The following PKN3 variants were observed in gnomAD, a reference collection of about 807,000 sequenced individuals.
PKN3 encodes protein kinase N3, also known as serine/threonine-protein kinase N3.
A neutral mutation model predicts 113.1 loss-of-function variants in PKN3; 91 were observed. The observed-to-expected ratio is 0.80, with a 90% CI of 0.68 to 0.96. The LOEUF is 0.96. Ranked by LOEUF, PKN3 falls within the 40% of genes least tolerant of loss-of-function variation. The pLI, the probability that PKN3 is intolerant of heterozygous loss-of-function variation, is 0.00. For missense variants in PKN3, 1,052 were observed against 1,202.2 expected, an observed-to-expected ratio of 0.88 and a Z score of 1.85; for synonymous variants, 467 against 499.0, an observed-to-expected ratio of 0.94 and a Z score of 0.85.
Position 128,714,331 on chromosome 9 carries a change from A to G in PKN3, c.1447A>G (p.Thr483Ala), listed in dbSNP as rs747228163. The G allele has an allele frequency of 3.1e-6, 5 of 1,607,968 alleles. No homozygotes were observed. Among genetic ancestry groups the G allele is most frequent in the East Asian group, 4.5e-5 (2 of 44,784 alleles). ...TAAAGGATGCCCTCGGACCCCAACA[A>G]CACTGCGAGAGGCCTCTGACCCTGC... The part of the protein sequence containing the change: ...PPKGCPRTPT[T>A]LREASDPATP... Residue 483 changes from threonine (T) to alanine (A), a missense_variant, in exon 11 of 22, where the codon ACA becomes GCA. Transcript: ENST00000291906.
In PKN3 at chr9:128,719,718, T is replaced by C; in HGVS notation, c.2158T>C (p.Cys720Arg). Residue 720 changes from cysteine (C) to arginine (R), a missense_variant, in exon 19 of 22, where the codon TGT becomes CGT. Cys to Arg is a radical substitution (Grantham distance 180). Coordinates refer to ENST00000291906, the MANE Select transcript of PKN3 (RefSeq NM_013355.5). ...CTTCGGGGACCGGACTAGCACCTTC[T>C]GTGGCACCCCGGAGTTCCTGGCTCC... ...IGFGDRTSTFCGTPEFLAPEV... is the reference protein window; with the variant it reads ...IGFGDRTSTFRGTPEFLAPEV... 1 of 1,584,520 alleles carries C rather than the reference T, an allele frequency of 6.3e-7. No homozygotes were observed. Among genetic ancestry groups the C allele is most frequent in the Non-Finnish European group, 8.6e-7 (1 of 1,164,634 alleles).
chr9:128,713,451 C>T (rs755244197), intron 8 of PKN3, 48 bp from the exon 9 acceptor site: 100 of 1,612,556 alleles, frequency 6.2e-5, no homozygotes, highest in Admixed American at 3.8e-4. Flanking sequence ...CTGCCCAGGT[C>T]GGGGCTCGTT....
chr9:128,702,853 G>C lies in PKN3; in HGVS notation c.-63G>C. On this transcript the variant is annotated 5_prime_UTR_variant, in exon 1 of 22. Transcript: ENST00000291906. ...TTTCAAGTTTGAAAGTCCTGGCGGA[G>C]GGTCTGCGGCTTCCGGGACCGGAGT... 1 of 1,218,078 alleles carries C rather than the reference G, an allele frequency of 8.2e-7. No homozygotes were observed. Among genetic ancestry groups the C allele is most frequent in the Non-Finnish European group, 1.1e-6 (1 of 871,592 alleles). 75.5% of individuals were successfully genotyped at this position (1,218,078 alleles called of 1,614,324 possible). A position where few individuals can be genotyped will look rare whatever the true frequency, so the allele number is the denominator to read the frequency against.
At chr9:128,703,459 G>A (rs1861915485) in intron 1 of PKN3, 1 of 985,386 alleles carries the variant, frequency 1.0e-6, no homozygotes, top group Non-Finnish European at 1.2e-6. Flanking sequence ...CCCCAGGGCG[G>A]GAACCTTTGG....
intron 2 of PKN3, 89 bp downstream of exon 2, chr9:128,705,632 C>T (rs1467296743): frequency 1.9e-6 from 3 of 1,541,184 alleles, no homozygotes; most frequent in East Asian, 2.4e-5. Flanking sequence ...GGCGAGACCA[C>T]CTCATTTCCT....
chr9:128,705,543 G>T lies in PKN3; in HGVS notation c.265G>T (p.Glu89Ter), dbSNP rs1472613975. 1 of 1,554,848 alleles carries T rather than the reference G, an allele frequency of 6.4e-7. No homozygotes were observed. Among genetic ancestry groups the T allele is most frequent in the South Asian group, 1.2e-5 (1 of 84,380 alleles). ...GCCCGGCCCTGGGCCTGGCCCAGCT[G>T]GTGAGTGAGGAGCTGAGACCCCCTC... is the stretch of plus-strand genomic sequence containing the variant. ...LLPGPGPGPA[E>*]PVASGPRPWA... Residue 89 changes from glutamate (E) to a stop codon, truncating the protein, a stop_gained and splice_region_variant, in exon 2 of 22, where the codon GAG becomes TAG. Transcript: ENST00000291906. LOFTEE classifies it high-confidence loss of function.
In PKN3 at chr9:128,720,140, C is replaced by T. The variant is rs1447207902; in HGVS notation, c.2377-63C>T. Reference sequence around the variant, plus strand: ...GCGCTCTGGGCCAGCGTGCTTGGGGCCTGTGGATGATGGCAGTGCCTGGGG... The same window carrying T: ...GCGCTCTGGGCCAGCGTGCTTGGGGTCTGTGGATGATGGCAGTGCCTGGGG... On this transcript the variant is annotated intron_variant, in intron 20 of 21. Coordinates refer to ENST00000291906, the MANE Select transcript of PKN3 (RefSeq NM_013355.5). This position sits in a 1 kb window ranked among gnomAD's most constrained non-coding sequence, Gnocchi z 5.5. 19 of 1,561,296 alleles carry T rather than the reference C, an allele frequency of 1.2e-5. No homozygotes were observed. The highest frequency in any genetic ancestry group is 3.3e-4 in the Middle Eastern group (2 of 6,002).
intron 16 of PKN3, 54 bp from the exon 17 acceptor site, chr9:128,718,271 C>G: frequency 6.8e-7 from 1 of 1,470,550 alleles, no homozygotes; most frequent in South Asian, 1.1e-5. Flanking sequence ...CCTCCCTGCC[C>G]TGCCTCCCTG....
intron 18 of PKN3, among the ~76,000 whole-genome samples, chr9:128,719,479 G>A (rs570171359): frequency 8.5e-5 from 13 of 152,082 alleles, no homozygotes; most frequent in Non-Finnish European, 1.2e-4. Flanking sequence ...GTGAGCCACC[G>A]CACCCAGCCG....
intron 19 of PKN3, 32 bp from the exon 20 acceptor site, chr9:128,719,878 C>T (rs761056323): frequency 1.9e-6 from 3 of 1,609,194 alleles, no homozygotes; most frequent in South Asian, 2.2e-5. Flanking sequence ...GTGGGGTGGC[C>T]CGTGCATCCT....
intron 16 of PKN3, 105 bp downstream of exon 16, chr9:128,717,028 A>T: frequency 1.2e-6 from 1 of 834,782 alleles, no homozygotes. Flanking sequence ...GCAGGGGAGC[A>T]GGAGTCAGAG....
rs1165642097 is a variant in PKN3, at chr9:128,707,269, C to A, written c.699C>A (p.Arg233=). Residue 233 remains arginine, a synonymous_variant, in exon 6 of 22, where the codon CGC becomes CGA. Coordinates refer to ENST00000291906, the MANE Select transcript of PKN3 (RefSeq NM_013355.5). ...CCTCTCAGAAACTGGACCTCCTGCG[C>A]CTGGCCTTGGAGCAGCTGCTGGAGC... ...QESSQKLDLL[R]LALEQLLEQL... The A allele has an allele frequency of 1.9e-6, 3 of 1,612,846 alleles. No individual in the cohort carries two copies. Among genetic ancestry groups the A allele is most frequent in the Non-Finnish European group, 2.5e-6 (3 of 1,179,218 alleles).
rs1041597564 is a variant in PKN3 at position 128,705,777 on chromosome 9, G to A, written c.309G>A (p.Arg103=). 12 of 1,608,628 alleles carry A rather than the reference G, an allele frequency of 7.5e-6. No homozygotes were observed. The highest frequency in any genetic ancestry group is 1.0e-5 in the Non-Finnish European group (12 of 1,177,774). ...CCCGGCCGTGGGCAGAGCAGCTCAG[G>A]GCTCGGCACCTAGAGGCTCTCCGGA... ...SGPRPWAEQL[R]ARHLEALRRQ... Residue 103 remains arginine, a synonymous_variant, in exon 3 of 22, where the codon AGG becomes AGA. Transcript: ENST00000291906.
intron 6 of PKN3, among the ~76,000 whole-genome samples, chr9:128,708,139 G>A (rs183489487): frequency 1.3e-4 from 19 of 149,916 alleles, no homozygotes; most frequent in African/African-American, 4.2e-4. Flanking sequence ...CCAGCACTTT[G>A]GAAGACTGAG....
In PKN3 at chr9:128,713,304, G is replaced by C. The variant is rs72758841; in HGVS notation, c.1009G>C (p.Asp337His). Residue 337 changes from aspartate (D) to histidine (H), a missense_variant, in exon 8 of 22, where the codon GAC becomes CAC. This residue lies in a region of PKN3 where 719 missense variants were observed against 759.4 expected (regional missense o/e 0.95). Coordinates refer to ENST00000291906, the MANE Select transcript of PKN3 (RefSeq NM_013355.5). ...CGAGGTGCTGGCTGTGCTAAAGGTG[G>C]ACAACCGTGTTGTGGGGCAGACGGG... is the stretch of plus-strand genomic sequence containing the variant. ...ASEVLAVLKVDNRVVGQTGWG... is the reference protein window; with the variant it reads ...ASEVLAVLKVHNRVVGQTGWG... 3.5e-5 allele frequency: 57 copies of C among 1,614,118 alleles called. No homozygotes were observed. The highest frequency in any genetic ancestry group is 4.8e-5 in the Non-Finnish European group (57 of 1,180,018).
Position 128,702,807 on chromosome 9 carries a change from C to T in PKN3, c.-109C>T. On this transcript the variant is annotated 5_prime_UTR_variant, in exon 1 of 22. Transcript: ENST00000291906. ...GGAGGGGGCGCCCGATCCCGCGTCT[C>T]CGGCGCCGCTTCCCGGGAAGTTTCA... 1 of 837,720 alleles carries T rather than the reference C, an allele frequency of 1.2e-6. No individual in the cohort carries two copies. The highest frequency in any genetic ancestry group is 1.9e-6 in the Non-Finnish European group (1 of 539,566). The allele number at this position is 837,720 out of a possible 1,614,324, so 51.9% of individuals were successfully genotyped here. A position where few individuals can be genotyped will look rare whatever the true frequency, so the allele number is the denominator to read the frequency against.
chr9:128,720,096 C>A lies in PKN3; in HGVS notation c.2376+79C>A, dbSNP rs1862486660. Reference sequence around the variant, plus strand: ...CCCTCTGCCGTGGGACAGCAGACCCCCTGCCACCCATCCTTAGAGCGCTCT... The same window carrying A: ...CCCTCTGCCGTGGGACAGCAGACCCACTGCCACCCATCCTTAGAGCGCTCT... On this transcript the variant is annotated intron_variant, in intron 20 of 21. Transcript: ENST00000291906. This position sits in a 1 kb window ranked among gnomAD's most constrained non-coding sequence, Gnocchi z 5.5. 6.5e-7 allele frequency: 1 copy of A among 1,532,264 alleles called. No homozygotes were observed. Among genetic ancestry groups the A allele is most frequent in the African/African-American group, 1.4e-5 (1 of 73,594 alleles). The allele number at this position is 1,532,264 out of a possible 1,614,324, so 94.9% of individuals were successfully genotyped here.
intron 5 of PKN3, 62 bp from the exon 6 acceptor site, chr9:128,707,160 C>A: frequency 6.3e-7 from 1 of 1,577,986 alleles, no homozygotes; most frequent in Non-Finnish European, 8.7e-7. Context: ...CTCCGGGTGA[C>A]CTGGGCTGCT....
intron 18 of PKN3, among the ~76,000 whole-genome samples, chr9:128,719,284 G>A (rs965707411): frequency 1.3e-5 from 2 of 151,790 alleles, no homozygotes; most frequent in African/African-American, 4.8e-5. Flanking sequence ...CTGCCTCCAA[G>A]GTTCAAGAGA....
Sources: allele counts gnomAD v4.1 joint callset (sites outside exome capture counted in the v4.1 genomes callset), GRCh38; gene constraint gnomAD v4.1.1; regional missense constraint gnomAD v4.1.1; non-coding constraint Gnocchi (gnomAD v3.1); transcripts MANE v1.5; gene names NCBI Gene and HGNC (gene_info 2026-07-23, HGNC 2026-07-21).